The following CCND3 variants were observed in gnomAD, a reference collection of about 807,000 sequenced individuals.
The protein encoded by CCND3 is cyclin D3.
CCND3 carries 9 observed loss-of-function variants against 28.7 expected under a neutral mutation model. The observed-to-expected ratio is 0.31, with a 90% CI of 0.19 to 0.55. The LOEUF (loss-of-function observed/expected upper bound fraction) is 0.55, where lower values mean the gene tolerates loss of function less well. Among genes scored for constraint, CCND3 ranks in the 20% least tolerant of loss-of-function variants. The pLI is 0.93. For missense variants in CCND3, 315 were observed against 385.8 expected (o/e 0.82, Z 1.54); for synonymous variants, 164 against 163.9 (o/e 1.00, Z 0.00).
rs1012397363 is a variant in CCND3, at chr6:41,939,243, A to G, written c.414+1127T>C. Among the ~76,000 whole-genome samples, 1 of 152,084 alleles carries G rather than the reference A, an allele frequency of 6.6e-6. No individual in the cohort carries two copies. Among genetic ancestry groups the G allele is most frequent in the Non-Finnish European group, 1.5e-5 (1 of 68,016 alleles). ...TCGACTCACAGCAGTCGGGGGCCCC[A>G]GTACCCTGGCTTCCCTGCCAGCCAA... On this transcript the variant is annotated intron_variant, in intron 2 of 4. Transcript: ENST00000372991. The surrounding 1 kb of genome is among the most constrained non-coding windows in gnomAD (Gnocchi z 4.2).
intron 1 of CCND3, chr6:41,940,832 A>T: frequency 4.6e-6 from 5 of 1,078,482 alleles, no homozygotes; most frequent in Non-Finnish European, 1.4e-6. Context: ...GCCCTTGCTC[A>T]CGGAGGATTC....
At chr6:42,034,052 G>A (rs1000425629) in intron 1 of CCND3, among the ~76,000 whole-genome samples, 1 of 152,036 alleles carries the variant, frequency 6.6e-6, no homozygotes, top group Non-Finnish European at 1.5e-5. Flanking sequence ...TAGTTACTGG[G>A]GAGGCTAAGG....
At chr6:42,026,641 C>T (rs1212539509) in intron 1 of CCND3, among the ~76,000 whole-genome samples, 1 of 152,146 alleles carries the variant, frequency 6.6e-6, no homozygotes, top group East Asian at 1.9e-4. Context: ...ATCCACTTTC[C>T]CTTCTTGTAC....
chr6:41,994,578 T>C (rs763854720), intron 1 of CCND3, among the ~76,000 whole-genome samples: 1 of 152,136 alleles, frequency 6.6e-6, no homozygotes, highest in South Asian at 2.1e-4. Context: ...AACCAAAGAA[T>C]GGACACCAAA....
intron 1 of CCND3, among the ~76,000 whole-genome samples, chr6:42,037,176 G>A (rs1310797949): frequency 6.6e-6 from 1 of 151,854 alleles, no homozygotes; most frequent in Non-Finnish European, 1.5e-5. Context: ...TCCTGACCTC[G>A]TGATCCACCC....
At chr6:42,009,339 C>T (rs1286774898) in intron 1 of CCND3, among the ~76,000 whole-genome samples, 3 of 151,932 alleles carry the variant, frequency 2.0e-5, no homozygotes, top group South Asian at 2.1e-4. Context: ...GGGCCAGAAG[C>T]GGTGGCTCAC....
In CCND3 at chr6:41,947,780, C is replaced by T. The variant is rs562606124; in HGVS notation, c.-45-7195G>A. Among the ~76,000 whole-genome samples the T allele has an allele frequency of 4.6e-5, 7 of 152,210 alleles. No homozygotes were observed. In the South Asian group the frequency reaches 1.2e-3, roughly 27 times the overall value. ...CGATTTCCACTTCTACCCCCCGGTCCGAGTTGCATCATCTCTTACCTGGAT... is the reference window on the plus strand; with the variant it reads ...CGATTTCCACTTCTACCCCCCGGTCTGAGTTGCATCATCTCTTACCTGGAT... On this transcript the variant is annotated intron_variant, in intron 1 of 4. Transcript: ENST00000372988.
chr6:41,992,461 C>A (rs1171633790), intron 1 of CCND3, among the ~76,000 whole-genome samples: 1 of 59,098 alleles, frequency 1.7e-5, no homozygotes, highest in Non-Finnish European at 3.0e-5. Flanking sequence ...CACACCCAGC[C>A]GGTTTTTTTT....
intron 1 of CCND3, among the ~76,000 whole-genome samples, chr6:41,955,510 GA>G (rs80215763): frequency 0.18 from 27,915 of 152,002 alleles, 3,217 homozygotes; most frequent in East Asian, 0.27. Flanking sequence ...CCATTCATAA[GA>G]AAAAACTCTT....
chr6:41,971,183 G>A (rs151141065), intron 1 of CCND3, among the ~76,000 whole-genome samples: 2,564 of 152,282 alleles, frequency 0.017, 71 homozygotes, highest in African/African-American at 0.057. Context: ...ATCCCAAAGT[G>A]TTGGGATTAC....
At chr6:41,941,941 T>A (rs897157147), upstream of CCND3, 2 of 175,266 alleles carry the variant, frequency 1.1e-5, no homozygotes, top group Non-Finnish European at 1.2e-5. The surrounding 1 kb of genome is among the most constrained non-coding windows in gnomAD (Gnocchi z 6.1). Context: ...CGCGGCCCCA[T>A]TGGGCCGCTG....
intron 1 of CCND3, among the ~76,000 whole-genome samples, chr6:41,950,721 T>TTC (rs1386679862): frequency 6.6e-6 from 1 of 150,806 alleles, no homozygotes; most frequent in Non-Finnish European, 1.5e-5. Context: ...TTCTTTTTTT[T>TTC]TTTTTGAGAT....
chr6:42,000,234 CTTTTTTTTTTTTTTT>C (rs70987562), intron 1 of CCND3, among the ~76,000 whole-genome samples: 1 of 51,012 alleles, frequency 2.0e-5, no homozygotes, highest in Non-Finnish European at 3.2e-5. Context: ...TGAAAACATA[CTTTTTTTTTTTTTTT>C]TTTTTTTTTT....
At position 41,936,523 on chromosome 6, in the gene CCND3, A is replaced by T; in HGVS notation, c.711+36T>A. The T allele has an allele frequency of 6.2e-7, 1 of 1,611,504 alleles. No individual in the cohort carries two copies. Among genetic ancestry groups the T allele is most frequent in the Non-Finnish European group, 8.5e-7 (1 of 1,178,606 alleles). ...GCTCAGGGCATAGCACTACTTTATG[A>T]ATGGAGAGGCTGCTGCCCAGCTACC... is the stretch of plus-strand genomic sequence containing the variant. On this transcript the variant is annotated intron_variant, in intron 4 of 4. Transcript: ENST00000372991. This position sits in a 1 kb window ranked among gnomAD's most constrained non-coding sequence, Gnocchi z 4.4.
intron 1 of CCND3, among the ~76,000 whole-genome samples, chr6:41,959,206 C>T (rs1383109415): frequency 2.0e-5 from 3 of 152,008 alleles, no homozygotes; most frequent in Non-Finnish European, 4.4e-5. Context: ...CTCAGCTATT[C>T]GGGAGGCTGA....
intron 1 of CCND3, among the ~76,000 whole-genome samples, chr6:42,008,591 T>C (rs1236803779): frequency 1.3e-5 from 2 of 152,198 alleles, no homozygotes; most frequent in Non-Finnish European, 2.9e-5. Context: ...AAGATGGGCT[T>C]GTTAAAATGT....
At chr6:42,021,336 C>A (rs1241997349) in intron 1 of CCND3, among the ~76,000 whole-genome samples, 1 of 152,190 alleles carries the variant, frequency 6.6e-6, no homozygotes, top group African/African-American at 2.4e-5. Flanking sequence ...CTAGTATTTG[C>A]CACCTTCTGT....
chr6:41,958,132 G>C (rs1285880188), intron 1 of CCND3, among the ~76,000 whole-genome samples: 2 of 151,384 alleles, frequency 1.3e-5, no homozygotes, highest in East Asian at 3.9e-4. Flanking sequence ...GAGTAGCTGG[G>C]ACTACAGTTG....
intron 1 of CCND3, among the ~76,000 whole-genome samples, chr6:41,990,436 A>G (rs1035447374): frequency 1.3e-5 from 2 of 151,344 alleles, no homozygotes; most frequent in African/African-American, 4.9e-5. Flanking sequence ...ATAGAAATAG[A>G]AAAAAAAATC....
Sources: gnomAD v4.1 joint callset for allele counts (sites outside exome capture counted in the v4.1 genomes callset) on GRCh38, gnomAD v4.1.1 for gene constraint, Gnocchi (gnomAD v3.1) non-coding constraint, MANE v1.5 for transcripts, NCBI Gene and HGNC (gene_info 2026-07-23, HGNC 2026-07-21) for gene names.